The following SIPA1L2 variants were observed in gnomAD, a reference collection of about 807,000 sequenced individuals.
SIPA1L2 encodes signal-induced proliferation-associated 1-like protein 2.
Under a neutral mutation model 163.9 loss-of-function variants are expected in SIPA1L2, and 56 were observed. The ratio of observed to expected loss-of-function variants is 0.34; its 90% confidence interval spans 0.28 to 0.43. The LOEUF is 0.43. Ranked by LOEUF, SIPA1L2 falls within the 20% of genes least tolerant of loss-of-function variation. SIPA1L2 has a pLI of 1.00. For missense variants in SIPA1L2, 1,974 were observed against 2,193.5 expected, an observed-to-expected ratio of 0.90 and a Z score of 2.00; for synonymous variants, 877 against 865.7, an observed-to-expected ratio of 1.01 and a Z score of -0.23.
At chr1:232,603,912 AGAAAGAGACCTTCT>A (rs1398719301) in intron 1 of SIPA1L2, among the ~76,000 whole-genome samples, 1 of 152,176 alleles carries the variant, frequency 6.6e-6, no homozygotes, top group African/African-American at 2.4e-5. Flanking sequence ...GGTACCCAGC[AGAAAGAGACCTTCT>A]GAAATACAGA....
At chr1:232,629,173 C>T (rs1404982616) in intron 1 of SIPA1L2, among the ~76,000 whole-genome samples, 1 of 150,792 alleles carries the variant, frequency 6.6e-6, no homozygotes, top group East Asian at 1.9e-4. Flanking sequence ...CGAGAAGCCT[C>T]GGCTCTCTCT....
At chr1:232,618,288 T>C (rs12563572) in intron 1 of SIPA1L2, among the ~76,000 whole-genome samples, 1 of 152,052 alleles carries the variant, frequency 6.6e-6, no homozygotes, top group Non-Finnish European at 1.5e-5. Context: ...CCCAGAGACC[T>C]GGGGGCGGAA....
chr1:232,441,441 C>T (rs750024450), intron 13 of SIPA1L2, 47 bp from the exon 14 acceptor site: 2 of 1,457,130 alleles, frequency 1.4e-6, no homozygotes, highest in Non-Finnish European at 9.5e-7. Context: ...TCCAGTATTA[C>T]CAAAAGAGTA....
At chr1:232,492,498 A>G (rs1665983163) in intron 4 of SIPA1L2, among the ~76,000 whole-genome samples, 1 of 152,202 alleles carries the variant, frequency 6.6e-6, no homozygotes, top group Admixed American at 6.5e-5. Flanking sequence ...GGCATGTGTC[A>G]CCATGCCCAG....
At chr1:232,476,358 C>A (rs565856180) in intron 7 of SIPA1L2, among the ~76,000 whole-genome samples, 1 of 152,310 alleles carries the variant, frequency 6.6e-6, no homozygotes, top group African/African-American at 2.4e-5. Flanking sequence ...CTTCCCAACA[C>A]AGCAGCTAAA....
intron 8 of SIPA1L2, among the ~76,000 whole-genome samples, chr1:232,469,682 T>C (rs1317534347): frequency 2.6e-5 from 4 of 152,158 alleles, no homozygotes; most frequent in South Asian, 2.1e-4. Flanking sequence ...GCATATGGTA[T>C]CTTTATCACA....
chr1:232,404,097 G>C (rs746253961), intron 20 of SIPA1L2, 28 bp downstream of exon 20: 4 of 1,613,582 alleles, frequency 2.5e-6, no homozygotes, highest in Non-Finnish European at 3.4e-6. Flanking sequence ...AGGATATCAG[G>C]AGCCAACGAG....
chr1:232,515,009 T>A lies in SIPA1L2; in HGVS notation c.331A>T (p.Thr111Ser). Residue 111 changes from threonine to serine, a missense_variant, in exon 3 of 23, where the codon ACT becomes TCT. Thr to Ser is a moderately conservative substitution (Grantham distance 58). Transcript: ENST00000674635. ...CTCTGCCCATTCTGCAGGACAGAAG[T>A]GATGCTTTCATAACTGGTCTGAGAC... is the stretch of plus-strand genomic sequence containing the variant. ...SRSQTSYESI[T>S]SVLQNGQSDQ... The A allele has an allele frequency of 6.2e-7, 1 of 1,614,138 alleles. No individual in the cohort carries two copies. Among genetic ancestry groups the A allele is most frequent in the Non-Finnish European group, 8.5e-7 (1 of 1,180,018 alleles).
intron 1 of SIPA1L2, among the ~76,000 whole-genome samples, chr1:232,576,915 A>C (rs1660108719): frequency 6.6e-6 from 1 of 152,022 alleles, no homozygotes; most frequent in Admixed American, 6.5e-5. Context: ...AGAGGTGAGG[A>C]GGCTGCAGAA....
chr1:232,511,129 G>A (rs1666959525), intron 3 of SIPA1L2, among the ~76,000 whole-genome samples: 1 of 152,110 alleles, frequency 6.6e-6, no homozygotes, highest in Non-Finnish European at 1.5e-5. Context: ...GTGATATAAT[G>A]TGATACCTCT....
intron 2 of SIPA1L2, among the ~76,000 whole-genome samples, chr1:232,556,586 C>T (rs917380452): frequency 5.9e-5 from 9 of 152,124 alleles, no homozygotes; most frequent in East Asian, 1.9e-4. Flanking sequence ...GTGTGTCATC[C>T]GGGAAAAACA....
intron 1 of SIPA1L2, among the ~76,000 whole-genome samples, chr1:232,603,268 C>T (rs1558298356): frequency 6.6e-6 from 1 of 152,128 alleles, no homozygotes; most frequent in Non-Finnish European, 1.5e-5. Flanking sequence ...AGGAAGACGA[C>T]TAGGGACAGC....
chr1:232,525,199 T>C lies in SIPA1L2; in HGVS notation c.-269-9591A>G, dbSNP rs149708923. The stretch of plus-strand genomic sequence containing the variant: ...TTACAAAAATACTGCCCTTTATTCC[T>C]ATGCAACAGAAATTTTTGTTAGAAT... On this transcript the variant is annotated intron_variant, in intron 2 of 22. Coordinates refer to ENST00000674635, the MANE Select transcript of SIPA1L2 (RefSeq NM_020808.5). Among the ~76,000 whole-genome samples, 365 of 150,778 alleles carry C rather than the reference T, an allele frequency of 2.4e-3. 1 individual carries two copies. The highest frequency in any genetic ancestry group is 8.6e-3 in the African/African-American group (356 of 41,210).
At chr1:232,499,610 A>G (rs1666364589) in intron 3 of SIPA1L2, among the ~76,000 whole-genome samples, 1 of 152,258 alleles carries the variant, frequency 6.6e-6, no homozygotes, top group Admixed American at 6.5e-5. Context: ...AAGGTGAAGT[A>G]GCAAGTGCTG....
chr1:232,427,566 A>G (rs1400609469), intron 17 of SIPA1L2, among the ~76,000 whole-genome samples: 1 of 152,058 alleles, frequency 6.6e-6, no homozygotes, highest in South Asian at 2.1e-4. Flanking sequence ...AAGAGCTCAC[A>G]TTTTACCATC....
intron 14 of SIPA1L2, among the ~76,000 whole-genome samples, chr1:232,440,173 G>C (rs1208324835): frequency 2.0e-5 from 3 of 152,166 alleles, no homozygotes; most frequent in African/African-American, 7.2e-5. Flanking sequence ...TGGTTGGGGT[G>C]GGGAGTCTCT....
At chr1:232,556,377 G>C (rs146659644) in intron 2 of SIPA1L2, among the ~76,000 whole-genome samples, 1 of 151,998 alleles carries the variant, frequency 6.6e-6, no homozygotes, top group African/African-American at 2.4e-5. Flanking sequence ...ATTTTTAAAA[G>C]AAAAAGTGAA....
chr1:232,603,662 G>A (rs577183651), intron 1 of SIPA1L2, among the ~76,000 whole-genome samples: 36 of 152,186 alleles, frequency 2.4e-4, no homozygotes, highest in African/African-American at 7.9e-4. Context: ...GTTCAGAGGT[G>A]TGGGAGAGCT....
intron 8 of SIPA1L2, among the ~76,000 whole-genome samples, chr1:232,470,816 T>G (rs1383803810): frequency 6.6e-6 from 1 of 152,148 alleles, no homozygotes; most frequent in East Asian, 1.9e-4. Context: ...GACCCATTGT[T>G]TTACCAATAC....
Sources: allele counts gnomAD v4.1 joint callset (sites outside exome capture counted in the v4.1 genomes callset), GRCh38; gene constraint gnomAD v4.1.1; transcripts MANE v1.5; gene names NCBI Gene and HGNC (gene_info 2026-07-23, HGNC 2026-07-21).